SMPD1: variants seen among roughly 807,000 people sequenced by gnomAD.
SMPD1 encodes sphingomyelin phosphodiesterase 1.
In SMPD1, 47 loss-of-function variants were observed where a neutral mutation model predicts 49.7. The ratio of observed to expected loss-of-function variants is 0.95; its 90% confidence interval spans 0.75 to 1.21. SMPD1 has a LOEUF of 1.21. SMPD1 is among the 50% of genes most tolerant of loss of function. SMPD1 has a pLI of 0.00. For synonymous variants in SMPD1, 336 were observed against 339.6 expected (o/e 0.99, Z 0.12); for missense variants, 811 against 822.2 (o/e 0.99, Z 0.17).
rs746058509 is a variant in SMPD1, at chr11:6,394,370, C to T, written c.1659C>T (p.Thr553=). 21 of 1,614,124 alleles carry T rather than the reference C, an allele frequency of 1.3e-5. No homozygotes were observed. The highest frequency in any genetic ancestry group is 1.6e-4 in the Middle Eastern group (1 of 6,084). The change falls in exon 6 of 6, where the codon ACC becomes ACT. Residue 553 remains threonine, a synonymous_variant. Coordinates refer to ENST00000342245, the MANE Select transcript of SMPD1 (RefSeq NM_000543.5). ...ETYGLPNTLP[T]AWHNLVYRMR... The stretch of plus-strand genomic sequence containing the variant: ...ATGGGCTGCCCAACACACTGCCTAC[C>T]GCCTGGCACAACCTGGTATATCGCA...
chr11:6,390,700 CCTGGTG>C lies in SMPD1; in HGVS notation c.107_112del (p.Val36_Leu37del), dbSNP rs775860642. ...GAGCCCCCGGACTCCTTTGGATGGG[CCTGGTG>C]CTGGCGCTGGCGCTGGCGCTGGCGC... On this transcript the variant is annotated inframe_deletion, in exon 1 of 6. Coordinates refer to ENST00000342245, the MANE Select transcript of SMPD1 (RefSeq NM_000543.5). 2,768 of 1,546,720 alleles carry C rather than the reference CCTGGTG, an allele frequency of 1.8e-3. 16 individuals are homozygous for C. The highest frequency in any genetic ancestry group is 3.7e-3 in the South Asian group (321 of 86,560).
rs781339776 is a variant in SMPD1, at chr11:6,392,049, C to T, written c.984C>T (p.Ser328=). Residue 328 remains serine (S), a synonymous_variant, in exon 2 of 6, where the codon AGC becomes AGT. Coordinates refer to ENST00000342245, the MANE Select transcript of SMPD1 (RefSeq NM_000543.5). ...ACCATGAAAGCACACCTGTCAATAG[C>T]TTCCCTCCCCCCTTCATTGAGGGCA... ...VGNHESTPVN[S]FPPPFIEGNH... The T allele has an allele frequency of 1.2e-5, 19 of 1,614,054 alleles. No individual in the cohort carries two copies. Among genetic ancestry groups the T allele is most frequent in the South Asian group, 2.2e-5 (2 of 91,086 alleles).
rs1848017682 is a variant in SMPD1 at position 6,393,275 on chromosome 11, T to C, written c.1151T>C (p.Met384Thr). 6.2e-7 allele frequency: 1 copy of C among 1,613,860 alleles called. No homozygotes were observed. The highest frequency in any genetic ancestry group is 8.5e-7 in the Non-Finnish European group (1 of 1,179,880). The change falls in exon 3 of 6, where the codon ATG becomes ACG. Residue 384 changes from methionine (M) to threonine (T), a missense_variant. Met to Thr is a moderately conservative substitution (Grantham distance 81). Transcript: ENST00000342245. ...YPGLRLISLN[M>T]NFCSRENFWL... is the part of the protein sequence containing the mutation. ...GGTCTCCGCCTCATCTCTCTCAATA[T>C]GAATTTTTGTTCCCGTGAGAACTTC...
At chr11:6,393,511 C>A in intron 3 of SMPD1, 106 bp from the exon 4 acceptor site, 1 of 1,386,966 alleles carries the variant, frequency 7.2e-7, no homozygotes, top group Non-Finnish European at 1.0e-6. Context: ...CCTGGGGATT[C>A]AGCTCATGGT....
chr11:6,393,341 A>C lies in SMPD1; in HGVS notation c.1217A>C (p.Gln406Pro). The C allele has an allele frequency of 6.2e-7, 1 of 1,613,996 alleles. No individual in the cohort carries two copies. Among genetic ancestry groups the C allele is most frequent in the Non-Finnish European group, 8.5e-7 (1 of 1,179,868 alleles). ...TCCACGGATCCCGCAGGACAGCTCC[A>C]GTGGCTGGTGGGGGAGCTTCAGGCT... The part of the protein sequence containing the change: ...INSTDPAGQL[Q>P]WLVGELQAAE... Residue 406 changes from glutamine to proline, a missense_variant, in exon 3 of 6, where the codon CAG (glutamine) becomes CCG (proline). Gln to Pro is a moderately conservative substitution (Grantham distance 76). Coordinates refer to ENST00000342245, the MANE Select transcript of SMPD1 (RefSeq NM_000543.5).
At position 6,393,707 on chromosome 11, in the gene SMPD1, G is replaced by A. The variant is rs1307874951; in HGVS notation, c.1340+14G>A. ...AATTGTAGCCAGGTAGGACGGAGAT[G>A]AGGGTGGGAATAGGGACAGGGTGAG... is the stretch of plus-strand genomic sequence containing the variant. On this transcript the variant is annotated intron_variant, in intron 4 of 5. Coordinates refer to ENST00000342245, the MANE Select transcript of SMPD1 (RefSeq NM_000543.5). 1.2e-6 allele frequency: 2 copies of A among 1,609,708 alleles called. No homozygotes were observed. Among genetic ancestry groups the A allele is most frequent in the South Asian group, 2.2e-5 (2 of 90,998 alleles).
intron 2 of SMPD1, among the ~76,000 whole-genome samples, 156 bp from the exon 3 acceptor site, chr11:6,393,060 G>A (rs1465558611): frequency 2.0e-5 from 3 of 152,022 alleles, no homozygotes; most frequent in African/African-American, 4.8e-5. Context: ...GTGTCACACA[G>A]ACCCAATAAT....
Position 6,391,990 on chromosome 11 carries a change from C to T in SMPD1, c.925C>T (p.Leu309=), listed in dbSNP as rs767952915. The change falls in exon 2 of 6, where the codon CTG becomes TTG. Residue 309 remains leucine, a synonymous_variant. Transcript: ENST00000342245. Reference sequence around the variant, plus strand: ...CGTCACAGCACTTGTGAGGAAGTTCCTGGGGCCAGTGCCAGTGTACCCTGC... The same window carrying T: ...CGTCACAGCACTTGTGAGGAAGTTCTTGGGGCCAGTGCCAGTGTACCCTGC... ...TTVTALVRKF[L]GPVPVYPAVG... 6.2e-6 allele frequency: 10 copies of T among 1,614,096 alleles called. No individual in the cohort carries two copies. In the African/African-American group the frequency reaches 1.2e-4, roughly 19 times the overall value.
At position 6,391,514 on chromosome 11, in the gene SMPD1, G is replaced by A. The variant is rs760433840; in HGVS notation, c.449G>A (p.Arg150His). ...FEDDMVEVWR[R>H]SVLSPSEACG... ...GATGACATGGTGGAGGTGTGGAGAC[G>A]CTCAGTGCTGAGCCCATCTGAGGCC... The change falls in exon 2 of 6, where the codon CGC becomes CAC. Residue 150 changes from arginine (R) to histidine (H), a missense_variant. Transcript: ENST00000342245. The A allele has an allele frequency of 1.1e-5, 17 of 1,613,870 alleles. No homozygotes were observed. Among genetic ancestry groups the A allele is most frequent in the South Asian group, 3.3e-5 (3 of 91,048 alleles).
intron 1 of SMPD1, 84 bp downstream of exon 1, chr11:6,391,000 C>T: frequency 1.3e-6 from 2 of 1,521,144 alleles, no homozygotes; most frequent in Non-Finnish European, 1.8e-6. Context: ...GCGCTGGGCT[C>T]AGAATGCATC....
At position 6,390,772 on chromosome 11, in the gene SMPD1, G is replaced by A. The variant is rs368143181; in HGVS notation, c.174G>A (p.Pro58=). Residue 58 remains proline (P), a synonymous_variant, in exon 1 of 6, where the codon CCG becomes CCA. Transcript: ENST00000342245. ...CTGACTCTCGGGTTCTCTGGGCTCCGGCAGAGGCTCACCCTCTTTCTCCCC... is the reference window on the plus strand; with the variant it reads ...CTGACTCTCGGGTTCTCTGGGCTCCAGCAGAGGCTCACCCTCTTTCTCCCC... ...ALSDSRVLWA[P]AEAHPLSPQG... 3.3e-5 allele frequency: 53 copies of A among 1,613,748 alleles called. No individual in the cohort carries two copies. Among genetic ancestry groups the A allele is most frequent in the Middle Eastern group, 1.6e-4 (1 of 6,082 alleles).
intron 3 of SMPD1, 65 bp downstream of exon 3, chr11:6,393,452 A>AC (rs1848030356): frequency 1.3e-6 from 2 of 1,534,558 alleles, no homozygotes; most frequent in African/African-American, 2.7e-5. Context: ...GAGCTGGAGC[A>AC]CCTCTGGGCA....
chr11:6,393,096 C>G, intron 2 of SMPD1, 120 bp from the exon 3 acceptor site: 1 of 790,402 alleles, frequency 1.3e-6, no homozygotes, highest in Non-Finnish European at 2.1e-6. Context: ...TCTGGCTAGA[C>G]TGTGAGCTCC....
chr11:6,391,710 C>T lies in SMPD1; in HGVS notation c.645C>T (p.Tyr215=). 6.8e-7 allele frequency: 1 copy of T among 1,470,440 alleles called. No individual in the cohort carries two copies. Among genetic ancestry groups the T allele is most frequent in the African/African-American group, 1.4e-5 (1 of 70,048 alleles). 91.1% of individuals were successfully genotyped at this position (1,470,440 alleles called of 1,614,324 possible). The part of the protein sequence containing the change: ...FLTDLHWDHD[Y]LEGTDPDCAD... ...CTGACCTGCACTGGGATCATGACTA[C>T]CTGGAGGGCACGGACCCTGACTGTG... is the stretch of plus-strand genomic sequence containing the variant. The change falls in exon 2 of 6, where the codon TAC becomes TAT. Residue 215 remains tyrosine, a synonymous_variant. Coordinates refer to ENST00000342245, the MANE Select transcript of SMPD1 (RefSeq NM_000543.5).
chr11:6,392,792 T>C (rs368348149), intron 2 of SMPD1, among the ~76,000 whole-genome samples: 7 of 151,926 alleles, frequency 4.6e-5, no homozygotes, highest in African/African-American at 1.7e-4. Context: ...TGCACCCAGC[T>C]TTCCAGCCCT....
At position 6,391,632 on chromosome 11, in the gene SMPD1, A is replaced by AACCCCAACCCCCCCCCCC; in HGVS notation, c.567_568insACCCCAACCCCCCCCCCC (p.Lys189_Pro190insThrProThrProProPro). 1 of 1,497,606 alleles carries AACCCCAACCCCCCCCCCC rather than the reference A, an allele frequency of 6.7e-7. No homozygotes were observed. The highest frequency in any genetic ancestry group is 9.0e-7 in the Non-Finnish European group (1 of 1,113,372). The allele number at this position is 1,497,606 out of a possible 1,614,324, so 92.8% of individuals were successfully genotyped here. Reference sequence around the variant, plus strand: ...CTACTGTGCCGAAGCCGCCCCCCAAACCCCCTAGCCCCCCAGCCCCAGGTG... The same window carrying AACCCCAACCCCCCCCCCC: ...CTACTGTGCCGAAGCCGCCCCCCAAAACCCCAACCCCCCCCCCCCCCCCTAGCCCCCCAGCCCCAGGTG... On this transcript the variant is annotated inframe_insertion, in exon 2 of 6. Coordinates refer to ENST00000342245, the MANE Select transcript of SMPD1 (RefSeq NM_000543.5).
In SMPD1 at chr11:6,394,850, G is replaced by A. The variant is rs1848120345; in HGVS notation, c.*243G>A. The stretch of plus-strand genomic sequence containing the variant: ...AGGCTGCTGTCCTTTCACAGCCATG[G>A]AGTAGAGGCCTAAGTTGACACTGCC... On this transcript the variant is annotated 3_prime_UTR_variant, in exon 6 of 6. Coordinates refer to ENST00000342245, the MANE Select transcript of SMPD1 (RefSeq NM_000543.5). The A allele has an allele frequency of 5.2e-6, 3 of 578,550 alleles. No individual in the cohort carries two copies. The highest frequency in any genetic ancestry group is 4.7e-4 in the Middle Eastern group (1 of 2,146). 35.8% of individuals were successfully genotyped at this position (578,550 alleles called of 1,614,324 possible). A position where few individuals can be genotyped will look rare whatever the true frequency, so the allele number is the denominator to read the frequency against.
At chr11:6,393,829 A>C in intron 4 of SMPD1, 67 bp from the exon 5 acceptor site, 2 of 1,590,638 alleles carry the variant, frequency 1.3e-6, no homozygotes, top group Non-Finnish European at 1.7e-6. Flanking sequence ...GAAAGAGGGC[A>C]TCCTATCTCC....
Position 6,394,766 on chromosome 11 carries a change from G to T in SMPD1, c.*159G>T. On this transcript the variant is annotated 3_prime_UTR_variant, in exon 6 of 6. Transcript: ENST00000342245. The stretch of plus-strand genomic sequence containing the variant: ...CAGGACCTTCTCCTTTCCTGGAGCT[G>T]GTTTAGCTGGATATGGGAGGGGGTT... The T allele has an allele frequency of 1.5e-6, 1 of 688,832 alleles. No individual in the cohort carries two copies. The highest frequency in any genetic ancestry group is 2.7e-5 in the East Asian group (1 of 37,116). The allele number at this position is 688,832 out of a possible 1,614,324, so 42.7% of individuals were successfully genotyped here. A position where few individuals can be genotyped will look rare whatever the true frequency, so the allele number is the denominator to read the frequency against.
Sources: allele counts gnomAD v4.1 joint callset (sites outside exome capture counted in the v4.1 genomes callset), GRCh38; gene constraint gnomAD v4.1.1; transcripts MANE v1.5; gene names NCBI Gene and HGNC (gene_info 2026-07-23, HGNC 2026-07-21).